SYNE2: variants seen among roughly 807,000 people sequenced by gnomAD.
SYNE2 encodes the protein spectrin repeat containing nuclear envelope protein 2.
A neutral mutation model predicts 856.3 loss-of-function variants in SYNE2; 431 were observed. The ratio of observed to expected loss-of-function variants is 0.50; its 90% confidence interval spans 0.47 to 0.55. The LOEUF (loss-of-function observed/expected upper bound fraction) is 0.55, where lower values mean the gene tolerates loss of function less well. Ranked by LOEUF, SYNE2 falls within the 20% of genes least tolerant of loss-of-function variation. The probability of loss-of-function intolerance (pLI) is 0.00; values close to 1 mark genes in which losing one functional copy is unlikely to be tolerated. For missense variants in SYNE2, 8,129 were observed against 8,023.2 expected, an observed-to-expected ratio of 1.01 and a Z score of -0.50; for synonymous variants, 2,923 against 2,872.3, an observed-to-expected ratio of 1.02 and a Z score of -0.56.
upstream of SYNE2, chr14:63,848,296 A>C (rs1309766674): frequency 6.6e-6 from 1 of 152,248 alleles, no homozygotes; most frequent in Non-Finnish European, 1.5e-5. Context: ...GGAGTGAAGA[A>C]GGAACAAAGA....
chr14:64,209,406 T>TA, intron 101 of SYNE2, 22 bp from the exon 102 acceptor site: 1 of 1,614,210 alleles, frequency 6.2e-7, no homozygotes, highest in Non-Finnish European at 8.5e-7. Context: ...TGGCTTGTGT[T>TA]AAGTTGCTTT....
intron 1 of SYNE2, among the ~76,000 whole-genome samples, chr14:63,899,601 G>A (rs112508678): frequency 0.06 from 9,102 of 150,678 alleles, 874 homozygotes; most frequent in African/African-American, 0.21. Context: ...TCCTGGGCTC[G>A]GGTGATCCTC....
At chr14:63,806,642 C>T (rs1199439834) in intron 1 of SYNE2, among the ~76,000 whole-genome samples, 6 of 152,046 alleles carry the variant, frequency 3.9e-5, no homozygotes, top group Non-Finnish European at 7.4e-5. Flanking sequence ...TCCATTTCTT[C>T]TAGGTTTTCT....
intron 108 of SYNE2, among the ~76,000 whole-genome samples, chr14:64,217,817 TAA>T (rs771928401): frequency 8.5e-5 from 13 of 152,196 alleles, no homozygotes; most frequent in Non-Finnish European, 1.9e-4. Flanking sequence ...AGGGCTTTTC[TAA>T]AAGGGACACA....
Position 64,048,046 on chromosome 14 carries a change from C to G in SYNE2, c.7268C>G (p.Ala2423Gly). ...MAMSKQLSLN[A>G]QESMKNTEDE... ...ATGTCAAAACAACTTTCTCTTAATG[C>G]TCAAGAAAGCATGAAAAACACTGAA... Residue 2423 changes from alanine to glycine, a missense_variant, in exon 46 of 116, where the codon GCT becomes GGT. Around this residue, in one of 3 missense-constraint regions of SYNE2, gnomAD observed 5,410 missense variants for 5,284.8 expected, o/e 1.02. Transcript: ENST00000555002. 1 of 1,613,716 alleles carries G rather than the reference C, an allele frequency of 6.2e-7. No homozygotes were observed. Among genetic ancestry groups the G allele is most frequent in the Non-Finnish European group, 8.5e-7 (1 of 1,179,816 alleles).
At chr14:64,199,568 A>C (rs2098552854) in intron 99 of SYNE2, among the ~76,000 whole-genome samples, 1 of 152,096 alleles carries the variant, frequency 6.6e-6, no homozygotes, top group Non-Finnish European at 1.5e-5. Context: ...AAATACAAAA[A>C]TTAGCTGAGC....
intron 46 of SYNE2, 115 bp from the exon 47 acceptor site, chr14:64,049,496 A>G: frequency 1.0e-6 from 1 of 962,974 alleles, no homozygotes; most frequent in Non-Finnish European, 1.6e-6. Flanking sequence ...CTGTGTGCAA[A>G]TGAGTTACCC....
intron 33 of SYNE2, among the ~76,000 whole-genome samples, chr14:64,017,032 G>A (rs1424983933): frequency 6.6e-6 from 1 of 151,972 alleles, no homozygotes; most frequent in Non-Finnish European, 1.5e-5. Context: ...ATGTGGTTTA[G>A]AAATGAAGAA....
rs1328633739 is a variant in SYNE2, at chr14:64,225,516, C to A, written c.20714C>A (p.Pro6905His). The change falls in exon 116 of 116, where the codon CCC becomes CAC. Residue 6905 changes from proline (P) to histidine (H), a missense_variant. By Grantham distance (77) the Pro-to-His change is moderately conservative. Around this residue, in one of 3 missense-constraint regions of SYNE2, gnomAD observed 5,410 missense variants for 5,284.8 expected, o/e 1.02. Coordinates refer to ENST00000555002, the MANE Select transcript of SYNE2 (RefSeq NM_182914.3). ...ATGCTGAGGTACACCAATGGGCCAC[C>A]CCCCACATAGAGGGCATAGCTGGCC... ...YPMLRYTNGP[P>H]PT 2.5e-6 allele frequency: 4 copies of A among 1,614,044 alleles called. No individual in the cohort carries two copies. The East Asian group carries it at 6.7e-5, about 27-fold the overall frequency.
At chr14:64,099,623 A>G (rs913232492) in intron 63 of SYNE2, 1 of 152,228 alleles carries the variant, frequency 6.6e-6, no homozygotes, top group African/African-American at 2.4e-5. Context: ...AGGGGCCAAA[A>G]AGAGTGACTT....
chr14:64,188,613 A>G lies in SYNE2; in HGVS notation c.17776A>G (p.Asn5926Asp). 6.2e-7 allele frequency: 1 copy of G among 1,614,228 alleles called. No individual in the cohort carries two copies. Among genetic ancestry groups the G allele is most frequent in the Non-Finnish European group, 8.5e-7 (1 of 1,180,042 alleles). The change falls in exon 98 of 116, where the codon AAT becomes GAT. Residue 5926 changes from asparagine to aspartate, a missense_variant. Around this residue, in one of 3 missense-constraint regions of SYNE2, gnomAD observed 5,410 missense variants for 5,284.8 expected, o/e 1.02. Transcript: ENST00000555002. ...LNTWVVFNEKNKELCAWLVQM... is the reference protein window; with the variant it reads ...LNTWVVFNEKDKELCAWLVQM... Reference sequence around the variant, plus strand: ...TACATGGGTTGTATTCAATGAAAAAAATAAAGAGTTGTGTGCCTGGCTGGT... The same window carrying G: ...TACATGGGTTGTATTCAATGAAAAAGATAAAGAGTTGTGTGCCTGGCTGGT...
rs780016741 is a variant in SYNE2, at chr14:64,113,509, G to C, written c.12778G>C (p.Glu4260Gln). 7 of 1,613,912 alleles carry C rather than the reference G, an allele frequency of 4.3e-6. No homozygotes were observed. The highest frequency in any genetic ancestry group is 5.9e-6 in the Non-Finnish European group (7 of 1,179,966). The change falls in exon 66 of 116, where the codon GAG becomes CAG. Residue 4260 changes from glutamate to glutamine, a missense_variant. By Grantham distance (29) the Glu-to-Gln change is conservative. This residue lies in a region of SYNE2 where 5,410 missense variants were observed against 5,284.8 expected (regional missense o/e 1.02). Coordinates refer to ENST00000555002, the MANE Select transcript of SYNE2 (RefSeq NM_182914.3). ...GCTGCAACAAGCCAACGTGGCAGTT[G>C]AGCCGGAAACATTAAACGCAGACAT... ...LWLQQANVAV[E>Q]PETLNADMQQ...
chr14:63,998,246 C>T lies in SYNE2; in HGVS notation c.3271C>T (p.Leu1091=), dbSNP rs984658803. ...KAMEPTMKFS[L]ASVLRPLQEE... is the part of the protein sequence containing the mutation. ...AATGGAACCCACTATGAAGTTTAGC[C>T]TGGCATCAGTGTTAAGGCCTCTGCA... Residue 1091 remains leucine, a synonymous_variant, in exon 26 of 116, where the codon CTG becomes TTG. Transcript: ENST00000555002. The T allele has an allele frequency of 6.2e-7, 1 of 1,613,924 alleles. No individual in the cohort carries two copies. Among genetic ancestry groups the T allele is most frequent in the Non-Finnish European group, 8.5e-7 (1 of 1,179,840 alleles).
intron 92 of SYNE2, 45 bp downstream of exon 92, chr14:64,167,684 AG>A: frequency 6.2e-7 from 1 of 1,613,460 alleles, no homozygotes. Flanking sequence ...CATCTGGGGC[AG>A]GAGTCAGGGA....
intron 1 of SYNE2, among the ~76,000 whole-genome samples, chr14:63,877,014 G>A (rs1402194177): frequency 6.6e-6 from 1 of 152,100 alleles, no homozygotes; most frequent in Non-Finnish European, 1.5e-5. Context: ...TTTGATTGTT[G>A]GTCTCTAAGG....
chr14:63,831,656 A>G (rs573516046), intron 1 of SYNE2, among the ~76,000 whole-genome samples: 23 of 147,744 alleles, frequency 1.6e-4, no homozygotes, highest in African/African-American at 4.3e-4. Context: ...CCTGGGTTCA[A>G]GTGATTCTCC....
rs11628107 is a variant in SYNE2, at chr14:64,051,603, A to G, written c.7690A>G (p.Ile2564Val). Residue 2564 changes from isoleucine (I) to valine (V), a missense_variant, in exon 48 of 116, where the codon ATA (isoleucine) becomes GTA (valine). By Grantham distance (29) the Ile-to-Val change is conservative. Coordinates refer to ENST00000555002, the MANE Select transcript of SYNE2 (RefSeq NM_182914.3). ...GTATCTGGACAAAATTAAAAAATTC[A>G]TAGCATCCATAGAAAAAGAGAAAGA... is the stretch of plus-strand genomic sequence containing the variant. Reference protein sequence around the residue: ...VTYLDKIKKFIASIEKEKDSL... With the variant: ...VTYLDKIKKFVASIEKEKDSL... The G allele has an allele frequency of 0.029, 46,123 of 1,613,676 alleles. 893 individuals carry two copies. Among genetic ancestry groups the G allele is most frequent in the Admixed American group, 0.079 (4,703 of 59,894 alleles).
chr14:64,010,089 G>C lies in SYNE2; in HGVS notation c.4701G>C (p.Lys1567Asn). ...CCCTGCAGGCTTCGTACATGGGAAA[G>C]GAGAACCTGAAGAAAAGGATAGCAG... Reference protein sequence around the residue: ...VISLQASYMGKENLKKRIAEI... With the variant: ...VISLQASYMGNENLKKRIAEI... The change falls in exon 32 of 116, where the codon AAG (lysine) becomes AAC (asparagine). Residue 1567 changes from lysine (K) to asparagine (N), a missense_variant. Lys to Asn is a moderately conservative substitution (Grantham distance 94). This residue lies in a region of SYNE2 where 2,422 missense variants were observed against 2,357.4 expected (regional missense o/e 1.03). Transcript: ENST00000555002. The C allele has an allele frequency of 6.2e-7, 1 of 1,613,466 alleles. No homozygotes were observed. The highest frequency in any genetic ancestry group is 8.5e-7 in the Non-Finnish European group (1 of 1,179,686).
At chr14:63,791,941 C>G (rs1174692270) in intron 1 of SYNE2, among the ~76,000 whole-genome samples, 1 of 73,506 alleles carries the variant, frequency 1.4e-5, no homozygotes, top group Non-Finnish European at 2.8e-5. Flanking sequence ...GAGACTCCGT[C>G]TCAAAAAAAA....
Sources: gnomAD v4.1 joint callset for allele counts (sites outside exome capture counted in the v4.1 genomes callset) on GRCh38, gnomAD v4.1.1 for gene constraint, gnomAD v4.1.1 regional missense constraint, MANE v1.5 for transcripts, NCBI Gene and HGNC (gene_info 2026-07-23, HGNC 2026-07-21) for gene names.